Variants in KDM1A observed in about 807,000 individuals in gnomAD.
KDM1A encodes lysine demethylase 1A, also known as lysine-specific histone demethylase 1A.
A neutral mutation model predicts 109.4 loss-of-function variants in KDM1A; 49 were observed. That is an observed-to-expected ratio of 0.45 (90% confidence interval 0.36 to 0.57). The LOEUF (loss-of-function observed/expected upper bound fraction) is 0.57. KDM1A is among the 20% of genes least tolerant of loss of function. The pLI is 0.00. For missense variants in KDM1A, 668 were observed against 1,116.6 expected (o/e 0.60, Z 5.73); for synonymous variants, 380 against 415.4 (o/e 0.91, Z 1.04).
chr1:23,072,241 G>A lies in KDM1A; in HGVS notation c.1622+44G>A, dbSNP rs534714065. 27 of 1,368,782 alleles carry A rather than the reference G, an allele frequency of 2.0e-5. No individual in the cohort carries two copies. In the East Asian group the frequency reaches 5.4e-4, roughly 27 times the overall value. The allele number at this position is 1,368,782 out of a possible 1,614,324, so 84.8% of individuals were successfully genotyped here. ...AAAGTTCAGAGGGAGAGCTTTTACTGTTCTTTCAGCTTGATTTGGAAGGAA... is the reference window on the plus strand; with the variant it reads ...AAAGTTCAGAGGGAGAGCTTTTACTATTCTTTCAGCTTGATTTGGAAGGAA... On this transcript the variant is annotated intron_variant, in intron 14 of 20. Transcript: ENST00000400181.
chr1:23,034,628 A>AT (rs956569206), intron 2 of KDM1A, among the ~76,000 whole-genome samples: 23 of 148,630 alleles, frequency 1.5e-4, no homozygotes, highest in East Asian at 3.9e-4. Context: ...ACATGACTCC[A>AT]TTTTTTTTTT....
chr1:23,068,452 C>T, intron 10 of KDM1A, 87 bp from the exon 11 acceptor site: 1 of 1,135,486 alleles, frequency 8.8e-7, no homozygotes. Flanking sequence ...ATATTTTGAC[C>T]TTTATAAACT....
intron 4 of KDM1A, among the ~76,000 whole-genome samples, chr1:23,053,512 A>T (rs1642733900): frequency 6.6e-6 from 1 of 152,048 alleles, no homozygotes. Context: ...TAGCCTCCTA[A>T]GTAGCTGGGA....
Position 23,019,689 on chromosome 1 carries a change from C to G in KDM1A, c.93C>G (p.Ser31=). The change falls in exon 1 of 21, where the codon TCC becomes TCG. Residue 31 remains serine, a synonymous_variant. Coordinates refer to ENST00000400181, the MANE Select transcript of KDM1A (RefSeq NM_001009999.3). ...TEAGPGTAGG[S]ENGSEVAAQP... ...CTGGCCCTGGGACAGCAGGCGGCTC[C>G]GAGAACGGGTCTGAGGTGGCCGCGC... 7.4e-7 allele frequency: 1 copy of G among 1,359,276 alleles called. No individual in the cohort carries two copies. The highest frequency in any genetic ancestry group is 9.4e-7 in the Non-Finnish European group (1 of 1,063,316). 84.2% of individuals were successfully genotyped at this position (1,359,276 alleles called of 1,614,324 possible).
chr1:23,030,245 GATGTAAAACTT>G (rs1402507930), intron 1 of KDM1A, among the ~76,000 whole-genome samples: 1 of 152,184 alleles, frequency 6.6e-6, no homozygotes, highest in Non-Finnish European at 1.5e-5. Flanking sequence ...TCAGTGCTAT[GATGTAAAACTT>G]ACAGATTAGT....
chr1:23,023,710 T>C (rs1462064293), intron 1 of KDM1A, among the ~76,000 whole-genome samples: 3 of 152,232 alleles, frequency 2.0e-5, no homozygotes, highest in Non-Finnish European at 2.9e-5. Flanking sequence ...TAGGACCAGC[T>C]TGTCAGTTTC....
At chr1:23,075,677 G>T (rs1407843353) in intron 15 of KDM1A, among the ~76,000 whole-genome samples, 1 of 151,954 alleles carries the variant, frequency 6.6e-6, no homozygotes, top group African/African-American at 2.4e-5. Context: ...GCTGGGCATG[G>T]TGGCTCATGC....
chr1:23,071,790 A>C (rs890090863), intron 13 of KDM1A, among the ~76,000 whole-genome samples: 2 of 152,214 alleles, frequency 1.3e-5, no homozygotes, highest in African/African-American at 4.8e-5. Flanking sequence ...AATTATGTAT[A>C]AAGTGCTTAC....
chr1:23,026,682 C>T (rs961075213), intron 1 of KDM1A, among the ~76,000 whole-genome samples: 1 of 151,964 alleles, frequency 6.6e-6, no homozygotes, highest in Non-Finnish European at 1.5e-5. Flanking sequence ...ATGCCCCGCC[C>T]AAGAAATATT....
intron 1 of KDM1A, among the ~76,000 whole-genome samples, chr1:23,023,207 G>A (rs777913846): frequency 5.3e-5 from 8 of 152,026 alleles, no homozygotes; most frequent in East Asian, 1.9e-4. Flanking sequence ...TTCTGGTTAC[G>A]GAAATTTGTG....
chr1:23,081,987 T>C, intron 19 of KDM1A: 1 of 515,782 alleles, frequency 1.9e-6, no homozygotes, highest in Non-Finnish European at 3.5e-6. Context: ...AAGCCCTGTG[T>C]AGATCTCTGG....
Position 23,078,382 on chromosome 1 carries a change from T to C in KDM1A, c.1868-608T>C, listed in dbSNP as rs1365987066. Among the ~76,000 whole-genome samples, 6 of 152,188 alleles carry C rather than the reference T, an allele frequency of 3.9e-5. No individual in the cohort carries two copies. In the East Asian group the frequency reaches 9.6e-4, roughly 24 times the overall value. ...TTTTGAGATATATAATTTCAAAATA[T>C]ATATAGTATATAAACAGACATTCAT... is the stretch of plus-strand genomic sequence containing the variant. On this transcript the variant is annotated intron_variant, in intron 16 of 20. Transcript: ENST00000400181.
intron 2 of KDM1A, among the ~76,000 whole-genome samples, chr1:23,042,894 G>A (rs1488839292): frequency 4.0e-5 from 6 of 151,668 alleles, no homozygotes; most frequent in African/African-American, 9.7e-5. Context: ...GATTACAGGC[G>A]AGCACCACCA....
At chr1:23,043,998 T>A (rs1055867346) in intron 2 of KDM1A, among the ~76,000 whole-genome samples, 1 of 152,236 alleles carries the variant, frequency 6.6e-6, no homozygotes, top group Non-Finnish European at 1.5e-5. Context: ...AGATAATTTT[T>A]CATTAAAATT....
intron 3 of KDM1A, among the ~76,000 whole-genome samples, chr1:23,047,655 A>T (rs1371486462): frequency 6.6e-6 from 1 of 152,156 alleles, no homozygotes; most frequent in South Asian, 2.1e-4. Flanking sequence ...TAATCCTAGC[A>T]CTTTGGGAGG....
Position 23,073,111 on chromosome 1 carries a change from C to G in KDM1A, c.1623-181C>G, listed in dbSNP as rs1004070397. 2.6e-5 allele frequency among the ~76,000 whole-genome samples: 4 copies of G among 151,594 alleles called. No individual in the cohort carries two copies. In the East Asian group the frequency reaches 5.8e-4, roughly 22 times the overall value. On this transcript the variant is annotated intron_variant, in intron 14 of 20. Coordinates refer to ENST00000400181, the MANE Select transcript of KDM1A (RefSeq NM_001009999.3). ...TTTACGTAGTGAGCTTGGCACTGCTCTAGACATCAGAGATAAAGAGGTTAA... is the reference window on the plus strand; with the variant it reads ...TTTACGTAGTGAGCTTGGCACTGCTGTAGACATCAGAGATAAAGAGGTTAA...
intron 20 of KDM1A, chr1:23,082,598 C>T (rs548487711): frequency 1.1e-4 from 46 of 402,636 alleles, no homozygotes; most frequent in African/African-American, 9.0e-4. Context: ...AGTCAAATAA[C>T]ATTTTTCCTT....
intron 9 of KDM1A, among the ~76,000 whole-genome samples, chr1:23,061,795 T>C (rs1643009894): frequency 1.3e-5 from 2 of 152,094 alleles, no homozygotes; most frequent in Non-Finnish European, 2.9e-5. Context: ...TAGCTGGGAT[T>C]ACAGGCATGC....
rs148834623 is a variant in KDM1A, at chr1:23,067,715, A to G, written c.1180-824A>G. Among the ~76,000 whole-genome samples, 447 of 152,324 alleles carry G rather than the reference A, an allele frequency of 2.9e-3. 3 individuals carry two copies. The highest frequency in any genetic ancestry group is 0.01 in the African/African-American group (424 of 41,560). On this transcript the variant is annotated intron_variant, in intron 10 of 20. Transcript: ENST00000400181. ...TTTCTTTCTCTCACTTCTGCCATCA[A>G]TTCAACAATAGGATTGCAGATACAG...
Sources: allele counts gnomAD v4.1 joint callset (sites outside exome capture counted in the v4.1 genomes callset), GRCh38; gene constraint gnomAD v4.1.1; transcripts MANE v1.5; gene names NCBI Gene and HGNC (gene_info 2026-07-23, HGNC 2026-07-21).